The following ARB2A variants were observed in gnomAD, a reference collection of about 807,000 sequenced individuals.
The protein encoded by ARB2A is cotranscriptional regulator ARB2A.
chr5:93,625,551 G>A, the ARB2A span, among the ~76,000 whole-genome samples: 8 of 152,032 alleles, frequency 5.3e-5, no homozygotes, highest in African/African-American at 1.9e-4. Context: ...TAAAAGGCAG[G>A]GGATCGTCCA....
chr5:93,735,791 G>A, the ARB2A span: 2 of 152,034 alleles, frequency 1.3e-5, no homozygotes, highest in East Asian at 1.9e-4. Flanking sequence ...AGAAGAAAAA[G>A]CATACATTTG....
At chr5:93,844,028 C>T in the ARB2A span, among the ~76,000 whole-genome samples, 1 of 148,438 alleles carries the variant, frequency 6.7e-6, no homozygotes, top group Non-Finnish European at 1.5e-5. Context: ...GAAGATACTA[C>T]AAGTTTTAAG....
chr5:94,029,064 G>C, the ARB2A span, among the ~76,000 whole-genome samples: 1 of 152,158 alleles, frequency 6.6e-6, no homozygotes, highest in African/African-American at 2.4e-5. Context: ...CTGCAGTGCA[G>C]TGAAGCAATA....
the ARB2A span, among the ~76,000 whole-genome samples, chr5:94,023,071 C>T: frequency 6.6e-6 from 1 of 152,182 alleles, no homozygotes; most frequent in East Asian, 1.9e-4. Context: ...TAATCCTTAA[C>T]CAAGAAACTG....
the ARB2A span, among the ~76,000 whole-genome samples, chr5:93,927,294 T>A: frequency 6.6e-6 from 1 of 152,184 alleles, no homozygotes; most frequent in South Asian, 2.1e-4. Context: ...GATTATAGAC[T>A]GTAGCTTCAC....
At chr5:93,863,987 C>T in the ARB2A span, among the ~76,000 whole-genome samples, 2 of 152,034 alleles carry the variant, frequency 1.3e-5, no homozygotes, top group South Asian at 2.1e-4. Flanking sequence ...AAAAATGTAT[C>T]GATCACCCTG....
At chr5:93,725,633 A>G in the ARB2A span, among the ~76,000 whole-genome samples, 3 of 152,120 alleles carry the variant, frequency 2.0e-5, no homozygotes, top group African/African-American at 7.2e-5. Flanking sequence ...CTAATCCCAA[A>G]GAATTTCTAT....
At chr5:93,682,887 T>A in the ARB2A span, 1 of 1,530,784 alleles carries the variant, frequency 6.5e-7, no homozygotes, top group Non-Finnish European at 8.9e-7. Context: ...TCTTGGTTAG[T>A]CATCCGGAAG....
chr5:93,902,942 C>T, the ARB2A span, among the ~76,000 whole-genome samples: 2 of 152,120 alleles, frequency 1.3e-5, no homozygotes, highest in Non-Finnish European at 2.9e-5. Flanking sequence ...TGCTCCCACA[C>T]AAGTGCTGGC....
At chr5:93,947,988 C>T in the ARB2A span, among the ~76,000 whole-genome samples, 1 of 151,912 alleles carries the variant, frequency 6.6e-6, no homozygotes, top group African/African-American at 2.4e-5. Context: ...TGCATGTGTC[C>T]TTATAGCAGC....
At chr5:93,958,992 A>G in the ARB2A span, 2 of 1,475,492 alleles carry the variant, frequency 1.4e-6, no homozygotes, top group Non-Finnish European at 1.8e-6. Context: ...AAATTAAATA[A>G]TAAATAAATG....
chr5:93,654,067 T>C, the ARB2A span, among the ~76,000 whole-genome samples: 121 of 152,328 alleles, frequency 7.9e-4, 2 homozygotes, highest in South Asian at 0.024. Context: ...GGTGTGAAGA[T>C]ACAAAAATGA....
chr5:93,805,292 G>A, the ARB2A span: 8 of 984,930 alleles, frequency 8.1e-6, no homozygotes, highest in Non-Finnish European at 9.6e-6. Context: ...AAGCTTTTTG[G>A]CAATTCCTTG....
the ARB2A span, among the ~76,000 whole-genome samples, chr5:94,003,169 T>C: frequency 3.3e-5 from 5 of 152,162 alleles, no homozygotes; most frequent in Non-Finnish European, 5.9e-5. Flanking sequence ...TACTTCCTTT[T>C]TGAAACCAAA....
chr5:94,072,604 G>C, the ARB2A span, among the ~76,000 whole-genome samples: 1 of 152,032 alleles, frequency 6.6e-6, no homozygotes, highest in Non-Finnish European at 1.5e-5. Flanking sequence ...TTAGAGGGCG[G>C]TGGTAAATAA....
the ARB2A span, among the ~76,000 whole-genome samples, chr5:94,021,621 G>T: frequency 6.6e-6 from 1 of 152,176 alleles, no homozygotes; most frequent in African/African-American, 2.4e-5. Flanking sequence ...TGGTTATACG[G>T]TCAAACAGAT....
the ARB2A span, among the ~76,000 whole-genome samples, chr5:93,947,503 A>ATCT: frequency 6.3e-4 from 60 of 95,678 alleles, no homozygotes; most frequent in African/African-American, 1.7e-3. Context: ...GGCTCACTGT[A>ATCT]TCTTCTTTTT....
At chr5:93,784,176 A>T in the ARB2A span, 1 of 482,724 alleles carries the variant, frequency 2.1e-6, no homozygotes, top group Non-Finnish European at 3.7e-6. Flanking sequence ...GAAAACCAAA[A>T]AGAAGGGAGG....
the ARB2A span, among the ~76,000 whole-genome samples, chr5:93,881,964 C>G: frequency 6.6e-6 from 1 of 151,072 alleles, no homozygotes; most frequent in African/African-American, 2.4e-5. Flanking sequence ...AAAACTAATT[C>G]AGATATCTCA....
Sources: gnomAD v4.1 joint callset for allele counts (sites outside exome capture counted in the v4.1 genomes callset) on GRCh38, gnomAD v4.1.1 for gene constraint, MANE v1.5 for transcripts, NCBI Gene and HGNC (gene_info 2026-07-23, HGNC 2026-07-21) for gene names.